The following MYO15B variants were observed in gnomAD, a reference collection of about 807,000 sequenced individuals.
MYO15B encodes the protein myosin XVB pseudogene.
In MYO15B, 207 loss-of-function variants were observed where a neutral mutation model predicts 119.3. The observed-to-expected ratio is 1.73, with a 90% CI of 1.55 to 1.95. The LOEUF (loss-of-function observed/expected upper bound fraction) is 1.95. Among genes scored for constraint, MYO15B ranks in the 30% most tolerant of loss-of-function variants. The pLI is 0.00. For missense variants in MYO15B, 2,264 were observed against 1,203.1 expected, an observed-to-expected ratio of 1.88 and a Z score of -13.04; for synonymous variants, 966 against 498.9, an observed-to-expected ratio of 1.94 and a Z score of -12.48.
At chr17:75,600,063 G>A (rs1166480417) in intron 14 of MYO15B, among the ~76,000 whole-genome samples, 3 of 131,056 alleles carry the variant, frequency 2.3e-5, no homozygotes, top group South Asian at 2.4e-4. Flanking sequence ...TTGCTCTGTC[G>A]CCCAGGCTGG....
rs1014501048 is a variant in MYO15B at position 75,625,256 on chromosome 17, C to T, written c.8804+18C>T. 2 of 688,444 alleles carry T rather than the reference C, an allele frequency of 2.9e-6. No individual in the cohort carries two copies. Among genetic ancestry groups the T allele is most frequent in the Non-Finnish European group, 5.3e-6 (2 of 376,250 alleles). 42.6% of individuals were successfully genotyped at this position (688,444 alleles called of 1,614,324 possible). A position where few individuals can be genotyped will look rare whatever the true frequency, so the allele number is the denominator to read the frequency against. On this transcript the variant is annotated intron_variant, in intron 60 of 63. Transcript: ENST00000645453. The stretch of plus-strand genomic sequence containing the variant: ...CCCTCAGGGTGAGTGGAGGCACCTC[C>T]CGCCCCTAAGCCCCTCCCCTTCTCT...
chr17:75,602,771 G>GCT (rs1241536248), intron 16 of MYO15B, 59 bp from the exon 17 acceptor site: 1 of 604,790 alleles, frequency 1.7e-6, no homozygotes, highest in Non-Finnish European at 2.9e-6. Context: ...GCTCTCCCGG[G>GCT]CTGCAGGGTG....
chr17:75,602,731 G>T (rs2057363926), intron 16 of MYO15B, 99 bp from the exon 17 acceptor site: 2 of 604,348 alleles, frequency 3.3e-6, no homozygotes, highest in East Asian at 2.7e-5. Context: ...AGCTTGCCAG[G>T]GTCTGGATGC....
chr17:75,606,003 T>C (rs1244740817), exon 21 of MYO15B: 5 of 699,530 alleles, frequency 7.1e-6, no homozygotes, highest in Non-Finnish European at 1.3e-5. Flanking sequence ...CAGGCTCGCA[T>C]GCGTGGGTTC....
At chr17:75,597,607 G>A (rs1237985097) in intron 14 of MYO15B, among the ~76,000 whole-genome samples, 1 of 152,268 alleles carries the variant, frequency 6.6e-6, no homozygotes, top group Non-Finnish European at 1.5e-5. Flanking sequence ...CCGCAGTGCA[G>A]CAGGAGAGAA....
chr17:75,608,073 C>G (rs1302616921), intron 21 of MYO15B, among the ~76,000 whole-genome samples: 1 of 152,058 alleles, frequency 6.6e-6, no homozygotes, highest in Non-Finnish European at 1.5e-5. Context: ...TAGTGCCACT[C>G]CTTTGGAGAA....
intron 52 of MYO15B, 123 bp from the exon 53 acceptor site, chr17:75,621,881 A>G (rs2148120914): frequency 3.1e-6 from 2 of 636,392 alleles, no homozygotes; most frequent in East Asian, 2.7e-5. Context: ...CCTGGCTGGC[A>G]TCTATGCATT....
chr17:75,616,131 C>T (rs1442364348), exon 37 of MYO15B: 1 of 562,818 alleles, frequency 1.8e-6, no homozygotes. Context: ...AGAAACGGAA[C>T]TATTTCCAGA....
chr17:75,621,871 C>A, intron 52 of MYO15B, 133 bp from the exon 53 acceptor site: 1 of 629,686 alleles, frequency 1.6e-6, no homozygotes, highest in South Asian at 1.8e-5. Context: ...AACCAGCTGC[C>A]CTGGCTGGCA....
exon 36 of MYO15B, chr17:75,615,731 G>A: frequency 1.4e-6 from 1 of 698,904 alleles, no homozygotes; most frequent in South Asian, 1.5e-5. Context: ...CCCTGTCCCT[G>A]GAGCAGCAGA....
At chr17:75,598,367 A>G (rs1437450940) in intron 14 of MYO15B, among the ~76,000 whole-genome samples, 1 of 152,032 alleles carries the variant, frequency 6.6e-6, no homozygotes, top group Non-Finnish European at 1.5e-5. Flanking sequence ...TCTCGAGGTC[A>G]GCAGATCGAG....
At chr17:75,601,380 C>T in intron 14 of MYO15B, 58 bp from the exon 15 acceptor site, 2 of 692,770 alleles carry the variant, frequency 2.9e-6, no homozygotes, top group Admixed American at 2.0e-5. Context: ...GGAGAGGGCG[C>T]CATCCAGAAG....
exon 28 of MYO15B, chr17:75,613,401 C>T (rs1329129833): frequency 3.0e-6 from 2 of 674,208 alleles, no homozygotes; most frequent in Non-Finnish European, 5.3e-6. Flanking sequence ...GGGCCCACCC[C>T]CCGACCCAGC....
At chr17:75,602,832 G>A in exon 17 of MYO15B, 1 of 624,418 alleles carries the variant, frequency 1.6e-6, no homozygotes, top group East Asian at 2.7e-5. Flanking sequence ...CCCCACAGCT[G>A]GTGGGCAGCC....
intron 41 of MYO15B, 37 bp downstream of exon 41, chr17:75,617,341 C>A: frequency 1.7e-6 from 1 of 599,940 alleles, no homozygotes; most frequent in Non-Finnish European, 3.0e-6. Context: ...GTGGGCTTCA[C>A]TGGGGCAGAG....
chr17:75,590,057 A>G (rs2056337016), exon 1 of MYO15B: 4 of 399,048 alleles, frequency 1.0e-5, no homozygotes, highest in Non-Finnish European at 1.8e-5. Context: ...CTGCAGCAGG[A>G]GGGAGACCCG....
exon 1 of MYO15B, chr17:75,588,942 G>A (rs2147666104): frequency 2.5e-6 from 1 of 398,266 alleles, no homozygotes; most frequent in Non-Finnish European, 4.4e-6. Flanking sequence ...TGCAGGCCTC[G>A]ACGGCCCGGG....
intron 14 of MYO15B, among the ~76,000 whole-genome samples, chr17:75,598,172 G>A (rs1312910133): frequency 6.6e-6 from 1 of 151,520 alleles, no homozygotes; most frequent in Non-Finnish European, 1.5e-5. Flanking sequence ...GGAGGCTGAG[G>A]CAGGAGAATC....
chr17:75,595,583 G>A (rs1031488868), intron 12 of MYO15B, among the ~76,000 whole-genome samples: 2 of 152,234 alleles, frequency 1.3e-5, no homozygotes, highest in Non-Finnish European at 1.5e-5. Flanking sequence ...GAGGCTTAAC[G>A]GAGATAGTCC....
Sources: allele counts gnomAD v4.1 joint callset (sites outside exome capture counted in the v4.1 genomes callset), GRCh38; gene constraint gnomAD v4.1.1; transcripts MANE v1.5; gene names NCBI Gene and HGNC (gene_info 2026-07-23, HGNC 2026-07-21).